The following NTNG1 variants were observed in gnomAD, a reference collection of about 807,000 sequenced individuals.
NTNG1 encodes netrin G1.
A neutral mutation model predicts 54.0 loss-of-function variants in NTNG1; 16 were observed. The observed-to-expected ratio is 0.30, with a 90% confidence interval of 0.20 to 0.45. The LOEUF (loss-of-function observed/expected upper bound fraction) is 0.45, where lower values mean the gene tolerates loss of function less well. Ranked by LOEUF, NTNG1 falls within the 20% of genes least tolerant of loss-of-function variation. The probability of loss-of-function intolerance (pLI) is 1.00; values close to 1 mark genes in which losing one functional copy is unlikely to be tolerated. For missense variants in NTNG1, 530 were observed against 678.7 expected, an observed-to-expected ratio of 0.78 and a Z score of 2.43; for synonymous variants, 255 against 263.1, an observed-to-expected ratio of 0.97 and a Z score of 0.30.
At chr1:107,374,775 T>C (rs987366415) in intron 3 of NTNG1, among the ~76,000 whole-genome samples, 1 of 152,174 alleles carries the variant, frequency 6.6e-6, no homozygotes, top group Admixed American at 6.5e-5. Context: ...ATAATAGGTA[T>C]TGTGAATTTT....
rs113310883 is a variant in NTNG1 at position 107,238,710 on chromosome 1, G to A, written c.247-85572G>A. 2.7e-3 allele frequency among the ~76,000 whole-genome samples: 413 copies of A among 152,098 alleles called. 1 individual carries two copies. Among genetic ancestry groups the A allele is most frequent in the African/African-American group, 9.1e-3 (378 of 41,484 alleles). ...GCTTTTTTTGCCTGCTGCCATCCAC[G>A]TAAGATGTGACTTGCTCCTACTTGC... is the stretch of plus-strand genomic sequence containing the variant. On this transcript the variant is annotated intron_variant, in intron 2 of 7. Transcript: ENST00000370068.
chr1:107,351,131 C>T (rs1171399034), intron 3 of NTNG1, among the ~76,000 whole-genome samples: 2 of 152,064 alleles, frequency 1.3e-5, no homozygotes, highest in African/African-American at 4.8e-5. Context: ...GTTAATTATA[C>T]CTTAATAAAT....
At chr1:107,289,654 G>T (rs1665454989) in intron 2 of NTNG1, among the ~76,000 whole-genome samples, 1 of 152,036 alleles carries the variant, frequency 6.6e-6, no homozygotes, top group Non-Finnish European at 1.5e-5. Flanking sequence ...GTCACCTCTT[G>T]TCTTTCTTTC....
intron 1 of NTNG1, among the ~76,000 whole-genome samples, chr1:107,142,734 T>C (rs1390121012): frequency 6.6e-6 from 1 of 151,292 alleles, no homozygotes; most frequent in East Asian, 1.9e-4. Flanking sequence ...ATATGCTTAG[T>C]AGTTAAGCTT....
At chr1:107,317,983 TGACAGATGCATAGGTGCTTTTGTCACAA>T (rs1667433152) in intron 2 of NTNG1, among the ~76,000 whole-genome samples, 1 of 152,228 alleles carries the variant, frequency 6.6e-6, no homozygotes, top group Non-Finnish European at 1.5e-5. Context: ...ACTCATGTTC[TGACAGATGCATAGGTGCTTTTGTCACAA>T]CAGTTTCAGA....
chr1:107,409,619 C>A (rs1339057657), intron 5 of NTNG1: 1 of 152,038 alleles, frequency 6.6e-6, no homozygotes, highest in Non-Finnish European at 1.5e-5. Context: ...CCTTTATTAT[C>A]GAGAACCTAG....
At chr1:107,253,760 T>C (rs1396866504) in intron 2 of NTNG1, among the ~76,000 whole-genome samples, 1 of 152,218 alleles carries the variant, frequency 6.6e-6, no homozygotes, top group Non-Finnish European at 1.5e-5. Flanking sequence ...GTGTTGTTCC[T>C]CTCTGCAAAC....
chr1:107,354,989 G>A (rs1557927121), intron 3 of NTNG1, among the ~76,000 whole-genome samples: 1 of 152,136 alleles, frequency 6.6e-6, no homozygotes, highest in East Asian at 1.9e-4. Context: ...CTTTCCTGTT[G>A]ATAAGCAATG....
chr1:107,442,385 G>A (rs1345807815), intron 7 of NTNG1, among the ~76,000 whole-genome samples: 1 of 151,962 alleles, frequency 6.6e-6, no homozygotes, highest in Admixed American at 6.6e-5. Context: ...AAAAATAAAA[G>A]CATAAATTGT....
chr1:107,407,810 T>C, intron 5 of NTNG1, 102 bp downstream of exon 5: 1 of 982,698 alleles, frequency 1.0e-6, no homozygotes. Context: ...CCATTTCTGA[T>C]GTAATAGGGT....
At chr1:107,375,844 C>A (rs1401283076) in intron 3 of NTNG1, among the ~76,000 whole-genome samples, 1 of 152,188 alleles carries the variant, frequency 6.6e-6, no homozygotes, top group Non-Finnish European at 1.5e-5. Flanking sequence ...GGTATTCACA[C>A]TTTTTTGCTC....
chr1:107,205,015 C>A (rs1366607934), intron 2 of NTNG1, among the ~76,000 whole-genome samples: 4 of 152,094 alleles, frequency 2.6e-5, no homozygotes, highest in Non-Finnish European at 5.9e-5. Context: ...TCTGCCAGAG[C>A]CTCAGGAAAT....
At chr1:107,480,359 G>A (rs1462489591) in intron 7 of NTNG1, among the ~76,000 whole-genome samples, 1 of 151,974 alleles carries the variant, frequency 6.6e-6, no homozygotes, top group Non-Finnish European at 1.5e-5. Context: ...AGCCTGAAAT[G>A]GACAATGATA....
chr1:107,415,664 G>A (rs960022), intron 5 of NTNG1, among the ~76,000 whole-genome samples: 54 of 150,708 alleles, frequency 3.6e-4, no homozygotes, highest in African/African-American at 1.0e-3. Flanking sequence ...GTTGATTTGT[G>A]AAAAAAAAAT....
At chr1:107,224,788 G>T (rs1054317072) in intron 2 of NTNG1, among the ~76,000 whole-genome samples, 8 of 152,116 alleles carry the variant, frequency 5.3e-5, no homozygotes, top group African/African-American at 1.9e-4. Context: ...GGAATAATGA[G>T]AAATTAAATA....
chr1:107,230,895 T>C (rs186108623), intron 2 of NTNG1, among the ~76,000 whole-genome samples: 1,716 of 152,316 alleles, frequency 0.011, 26 homozygotes, highest in African/African-American at 0.039. Flanking sequence ...TGAATTTTTT[T>C]CTTTGTACCA....
At chr1:107,218,968 A>G (rs137934362) in intron 2 of NTNG1, among the ~76,000 whole-genome samples, 6 of 152,140 alleles carry the variant, frequency 3.9e-5, no homozygotes, top group African/African-American at 1.4e-4. Flanking sequence ...GGCCAGAGAA[A>G]TTTTCCTCGA....
At chr1:107,233,907 AC>A (rs1394849208) in intron 2 of NTNG1, among the ~76,000 whole-genome samples, 2 of 152,160 alleles carry the variant, frequency 1.3e-5, no homozygotes, top group African/African-American at 4.8e-5. Context: ...CTAAAGCCAT[AC>A]AGGATTTTTG....
At chr1:107,168,279 A>G (rs1449905817) in intron 2 of NTNG1, among the ~76,000 whole-genome samples, 2 of 152,028 alleles carry the variant, frequency 1.3e-5, no homozygotes, top group African/African-American at 4.8e-5. Flanking sequence ...TCCTGTCAAA[A>G]AATGACCTTA....
Sources: gnomAD v4.1 joint callset for allele counts (sites outside exome capture counted in the v4.1 genomes callset) on GRCh38, gnomAD v4.1.1 for gene constraint, MANE v1.5 for transcripts, NCBI Gene and HGNC (gene_info 2026-07-23, HGNC 2026-07-21) for gene names.